The following TRABD2B variants were observed in gnomAD, a reference collection of about 807,000 sequenced individuals.
The protein encoded by TRABD2B is metalloprotease TIKI2.
TRABD2B carries 14 observed loss-of-function variants against 40.1 expected under a neutral mutation model. That is an observed-to-expected ratio of 0.35 (90% CI 0.23 to 0.55). The LOEUF (loss-of-function observed/expected upper bound fraction) is 0.55. TRABD2B is among the 20% of genes least tolerant of loss of function. The pLI, the probability that TRABD2B is intolerant of heterozygous loss-of-function variation, is 0.90. For synonymous variants in TRABD2B, 263 were observed against 277.0 expected (o/e 0.95, Z 0.50); for missense variants, 541 against 648.6 (o/e 0.83, Z 1.80).
intron 2 of TRABD2B, among the ~76,000 whole-genome samples, chr1:47,829,813 C>T (rs1227628773): frequency 6.6e-6 from 1 of 152,212 alleles, no homozygotes; most frequent in Non-Finnish European, 1.5e-5. Flanking sequence ...TACTGCACCC[C>T]ATTGTTCTTA....
intron 2 of TRABD2B, among the ~76,000 whole-genome samples, chr1:47,937,325 C>T (rs1645125196): frequency 6.6e-6 from 1 of 151,804 alleles, no homozygotes; most frequent in African/African-American, 2.4e-5. Flanking sequence ...TCACCATCAC[C>T]ACCACCATCA....
intron 2 of TRABD2B, among the ~76,000 whole-genome samples, chr1:47,983,212 C>G (rs1367742454): frequency 6.6e-6 from 1 of 152,184 alleles, no homozygotes; most frequent in Admixed American, 6.5e-5. Flanking sequence ...CTATTACCCT[C>G]AGCAAACTAA....
intron 2 of TRABD2B, among the ~76,000 whole-genome samples, chr1:47,885,248 C>T (rs1210965517): frequency 1.3e-5 from 2 of 152,236 alleles, no homozygotes; most frequent in Non-Finnish European, 2.9e-5. Context: ...TTAACCAACT[C>T]CTACACATCC....
At chr1:47,822,294 C>T (rs1645122451) in intron 2 of TRABD2B, among the ~76,000 whole-genome samples, 2 of 152,212 alleles carry the variant, frequency 1.3e-5, no homozygotes, top group African/African-American at 4.8e-5. Context: ...GGAAAGAACT[C>T]TCCACCTTTC....
At chr1:47,974,624 A>G (rs2148429688) in intron 2 of TRABD2B, among the ~76,000 whole-genome samples, 1 of 152,360 alleles carries the variant, frequency 6.6e-6, no homozygotes, top group Non-Finnish European at 1.5e-5. Flanking sequence ...CTACATTTTC[A>G]GCATCTGTAC....
At chr1:47,881,754 T>C (rs1055301489) in intron 2 of TRABD2B, among the ~76,000 whole-genome samples, 3 of 152,210 alleles carry the variant, frequency 2.0e-5, no homozygotes, top group African/African-American at 7.2e-5. Context: ...GGCTATCTTT[T>C]TCACTATGTG....
At chr1:47,834,425 C>CAGAGCT (rs1645290675) in intron 2 of TRABD2B, among the ~76,000 whole-genome samples, 1 of 152,138 alleles carries the variant, frequency 6.6e-6, no homozygotes, top group Non-Finnish European at 1.5e-5. Flanking sequence ...TGTAAATGCC[C>CAGAGCT]AGAGCTATGT....
chr1:47,932,137 G>A (rs1645047859), intron 2 of TRABD2B, among the ~76,000 whole-genome samples: 1 of 152,182 alleles, frequency 6.6e-6, no homozygotes, highest in Admixed American at 6.5e-5. Flanking sequence ...GTTGCAGAGT[G>A]AACACTTGGA....
intron 2 of TRABD2B, among the ~76,000 whole-genome samples, chr1:47,974,201 T>C (rs1311741063): frequency 2.0e-5 from 3 of 152,158 alleles, no homozygotes; most frequent in Admixed American, 6.5e-5. Context: ...CTATTACCTG[T>C]AGGCCAGGTG....
At chr1:47,934,989 C>G (rs1335930694) in intron 2 of TRABD2B, among the ~76,000 whole-genome samples, 22 of 152,134 alleles carry the variant, frequency 1.4e-4, no homozygotes, top group Admixed American at 1.4e-3. Flanking sequence ...CTGCTAATGC[C>G]CTCTCTTTAT....
At chr1:47,989,544 G>A (rs1217818798) in intron 2 of TRABD2B, among the ~76,000 whole-genome samples, 1 of 152,146 alleles carries the variant, frequency 6.6e-6, no homozygotes, top group Non-Finnish European at 1.5e-5. Flanking sequence ...ATTGGGGGGT[G>A]TGTGTGTGTA....
chr1:47,800,277 C>T (rs1172356848), intron 3 of TRABD2B, among the ~76,000 whole-genome samples: 2 of 152,204 alleles, frequency 1.3e-5, no homozygotes, highest in African/African-American at 2.4e-5. Context: ...AGAGTGTGGT[C>T]ATGCAGGCCA....
chr1:47,767,778 T>C (rs1644324840), intron 6 of TRABD2B, among the ~76,000 whole-genome samples: 1 of 152,202 alleles, frequency 6.6e-6, no homozygotes, highest in Non-Finnish European at 1.5e-5. Context: ...CGCTTCCCAC[T>C]GCTTGCCCCA....
At chr1:47,928,957 C>A (rs1361795739) in intron 2 of TRABD2B, among the ~76,000 whole-genome samples, 1 of 152,266 alleles carries the variant, frequency 6.6e-6, no homozygotes, top group Non-Finnish European at 1.5e-5. Context: ...ACAAGACTAT[C>A]TACCTCTCAG....
At chr1:47,926,591 C>T (rs1253836977) in intron 2 of TRABD2B, among the ~76,000 whole-genome samples, 1 of 152,174 alleles carries the variant, frequency 6.6e-6, no homozygotes, top group Non-Finnish European at 1.5e-5. Context: ...TCCAGATCCT[C>T]CCATGCTGTG....
intron 2 of TRABD2B, among the ~76,000 whole-genome samples, chr1:47,851,401 G>A (rs1390900111): frequency 6.6e-6 from 1 of 152,128 alleles, no homozygotes; most frequent in Non-Finnish European, 1.5e-5. Context: ...CCAACCTAAG[G>A]AGAGTCACAA....
intron 3 of TRABD2B, among the ~76,000 whole-genome samples, chr1:47,796,880 G>C (rs974659755): frequency 6.6e-6 from 1 of 152,196 alleles, no homozygotes; most frequent in Non-Finnish European, 1.5e-5. Context: ...GCTTCTGAAC[G>C]GGGAGAAGCA....
At chr1:47,934,316 A>G (rs1645077538) in intron 2 of TRABD2B, among the ~76,000 whole-genome samples, 1 of 152,174 alleles carries the variant, frequency 6.6e-6, no homozygotes, top group South Asian at 2.1e-4. Flanking sequence ...TGCTTTGTGA[A>G]GGAGTCCTCC....
At chr1:47,810,166 G>A (rs1165682376) in intron 2 of TRABD2B, among the ~76,000 whole-genome samples, 12 of 151,860 alleles carry the variant, frequency 7.9e-5, no homozygotes, top group East Asian at 2.0e-4. Flanking sequence ...GCGCGCGCGC[G>A]CGCACGTGTG....
Sources: allele counts gnomAD v4.1 joint callset (sites outside exome capture counted in the v4.1 genomes callset), GRCh38; gene constraint gnomAD v4.1.1; transcripts MANE v1.5; gene names NCBI Gene and HGNC (gene_info 2026-07-23, HGNC 2026-07-21).